Variants in SPATA17 observed in about 807,000 individuals in gnomAD.
SPATA17 encodes spermatogenesis-associated protein 17.
A neutral mutation model predicts 62.2 loss-of-function variants in SPATA17; 53 were observed. That is an observed-to-expected ratio of 0.85 (90% confidence interval 0.68 to 1.07). The LOEUF (loss-of-function observed/expected upper bound fraction) is 1.07, where lower values mean the gene tolerates loss of function less well. Among genes scored for constraint, SPATA17 ranks in the 50% least tolerant of loss-of-function variants. SPATA17 has a pLI of 0.00. For synonymous variants in SPATA17, 146 were observed against 146.8 expected (o/e 0.99, Z 0.04); for missense variants, 466 against 425.5 (o/e 1.10, Z -0.84).
At chr1:217,819,468 G>A (rs1674808462) in intron 9 of SPATA17, among the ~76,000 whole-genome samples, 2 of 151,674 alleles carry the variant, frequency 1.3e-5, no homozygotes, top group South Asian at 4.2e-4. Flanking sequence ...CAGATTCAAT[G>A]CTCTTCTCTA....
chr1:217,739,780 A>G (rs1422706337), intron 5 of SPATA17, among the ~76,000 whole-genome samples: 1 of 152,166 alleles, frequency 6.6e-6, no homozygotes, highest in Non-Finnish European at 1.5e-5. Flanking sequence ...AGAATGTTTG[A>G]CATAAATATT....
intron 9 of SPATA17, among the ~76,000 whole-genome samples, chr1:217,815,122 TAA>T (rs1243466968): frequency 1.3e-5 from 2 of 152,174 alleles, no homozygotes; most frequent in Non-Finnish European, 2.9e-5. Flanking sequence ...CTCCCAAGTA[TAA>T]GATTATTGCT....
intron 5 of SPATA17, among the ~76,000 whole-genome samples, chr1:217,715,187 A>G (rs1182117692): frequency 6.6e-6 from 1 of 152,228 alleles, no homozygotes; most frequent in Non-Finnish European, 1.5e-5. Flanking sequence ...TATGTTTAAA[A>G]TCAGAAGTTA....
At chr1:217,835,942 C>A (rs1675251456) in intron 9 of SPATA17, among the ~76,000 whole-genome samples, 1 of 152,104 alleles carries the variant, frequency 6.6e-6, no homozygotes, top group African/African-American at 2.4e-5. Context: ...CCTGTTTCCC[C>A]ACCCAGAGCG....
intron 9 of SPATA17, among the ~76,000 whole-genome samples, chr1:217,839,170 CAT>C (rs1675333079): frequency 6.6e-6 from 1 of 152,126 alleles, no homozygotes; most frequent in South Asian, 2.1e-4. Context: ...AAGTAATGCA[CAT>C]AGACAGAGTG....
intron 1 of SPATA17, among the ~76,000 whole-genome samples, chr1:217,634,894 CT>C (rs201756139): frequency 0.051 from 6,237 of 122,456 alleles, 163 homozygotes; most frequent in Middle Eastern, 0.1. Flanking sequence ...GAGTATTGGC[CT>C]TTTTGTTGTT....
chr1:217,779,478 C>T (rs1323865765), intron 7 of SPATA17, among the ~76,000 whole-genome samples: 1 of 151,626 alleles, frequency 6.6e-6, no homozygotes. Flanking sequence ...TCCTTTTCCT[C>T]TGGCCATGTC....
intron 8 of SPATA17, among the ~76,000 whole-genome samples, chr1:217,796,555 C>T (rs961630287): frequency 4.6e-5 from 7 of 152,132 alleles, no homozygotes; most frequent in African/African-American, 1.7e-4. Flanking sequence ...ATTTCTGTCT[C>T]CACCCTGGGG....
chr1:217,681,412 C>T (rs762915651), intron 4 of SPATA17, among the ~76,000 whole-genome samples: 36 of 151,710 alleles, frequency 2.4e-4, no homozygotes, highest in Non-Finnish European at 4.6e-4. Flanking sequence ...CTCGCTCTGT[C>T]GCCCAGGCTG....
At position 217,708,003 on chromosome 1, in the gene SPATA17, C is replaced by G. The variant is rs1479726387; in HGVS notation, c.395+24642C>G. On this transcript the variant is annotated intron_variant, in intron 5 of 10. Transcript: ENST00000366933. ...GCTGGAATCAAGGAATTCTTTGAAA[C>G]TGATGAGAACAAAGATACAACATAC... Among the ~76,000 whole-genome samples, 7 of 152,168 alleles carry G rather than the reference C, an allele frequency of 4.6e-5. 1 individual carries two copies. The South Asian group carries it at 1.4e-3, about 32-fold the overall frequency.
chr1:217,653,408 T>A (rs1276478342), intron 3 of SPATA17, among the ~76,000 whole-genome samples: 4 of 152,206 alleles, frequency 2.6e-5, no homozygotes, highest in Non-Finnish European at 4.4e-5. Context: ...ATTCAACTCA[T>A]AACCCTAGAA....
intron 6 of SPATA17, among the ~76,000 whole-genome samples, chr1:217,767,600 G>A (rs1673330788): frequency 6.6e-6 from 1 of 151,954 alleles, no homozygotes; most frequent in African/African-American, 2.4e-5. Context: ...GGTTTCTATT[G>A]ACGTATCCTC....
chr1:217,850,266 C>A (rs1675617392), intron 9 of SPATA17: 2 of 336,216 alleles, frequency 5.9e-6, no homozygotes, highest in African/African-American at 4.2e-5. Flanking sequence ...TGCTACCATG[C>A]AACAAAACCT....
chr1:217,850,382 C>T, intron 9 of SPATA17: 1 of 978,986 alleles, frequency 1.0e-6, no homozygotes, highest in Non-Finnish European at 1.6e-6. Context: ...CTGAGCACTG[C>T]AAATGCAAGA....
intron 9 of SPATA17, among the ~76,000 whole-genome samples, chr1:217,815,130 T>C (rs1480561131): frequency 6.6e-6 from 1 of 152,170 alleles, no homozygotes; most frequent in African/African-American, 2.4e-5. Flanking sequence ...TATAAGATTA[T>C]TGCTTAAGTA....
At chr1:217,855,840 C>A (rs1675772492) in intron 9 of SPATA17, among the ~76,000 whole-genome samples, 1 of 150,044 alleles carries the variant, frequency 6.7e-6, no homozygotes, top group Non-Finnish European at 1.5e-5. Context: ...TATTCTCCTG[C>A]CTTAGCCTCC....
At chr1:217,818,499 A>C (rs895919426) in intron 9 of SPATA17, among the ~76,000 whole-genome samples, 2 of 152,082 alleles carry the variant, frequency 1.3e-5, no homozygotes, top group Non-Finnish European at 1.5e-5. Context: ...ACTGTACTGA[A>C]TATTGTAGAC....
intron 2 of SPATA17, among the ~76,000 whole-genome samples, chr1:217,649,292 A>AACAAG (rs1670255295): frequency 6.6e-6 from 1 of 152,092 alleles, no homozygotes; most frequent in African/African-American, 2.4e-5. Context: ...CAGCCTGGCC[A>AACAAG]ACAAGGTGAA....
intron 7 of SPATA17, among the ~76,000 whole-genome samples, chr1:217,780,350 A>G (rs1673702613): frequency 6.6e-6 from 1 of 152,164 alleles, no homozygotes; most frequent in African/African-American, 2.4e-5. Flanking sequence ...TGTATGTACC[A>G]GGCATTGCAA....
Sources: gnomAD v4.1 joint callset for allele counts (sites outside exome capture counted in the v4.1 genomes callset) on GRCh38, gnomAD v4.1.1 for gene constraint, MANE v1.5 for transcripts, NCBI Gene and HGNC (gene_info 2026-07-23, HGNC 2026-07-21) for gene names.